LARP4B: variants seen among roughly 807,000 people sequenced by gnomAD.
LARP4B encodes La ribonucleoprotein 4B, also known as la-related protein 4B.
A neutral mutation model predicts 89.8 loss-of-function variants in LARP4B; 12 were observed. The observed-to-expected ratio is 0.13, with a 90% CI of 0.09 to 0.22. LARP4B has a LOEUF of 0.22. LARP4B is among the 10% of genes least tolerant of loss of function. The probability of loss-of-function intolerance (pLI) is 1.00; values close to 1 mark genes in which losing one functional copy is unlikely to be tolerated. For synonymous variants in LARP4B, 367 were observed against 363.3 expected (o/e 1.01, Z -0.12); for missense variants, 757 against 947.7 (o/e 0.80, Z 2.64).
chr10:930,846 C>T (rs868753679), intron 1 of LARP4B, among the ~76,000 whole-genome samples: 5 of 152,106 alleles, frequency 3.3e-5, no homozygotes, highest in African/African-American at 1.2e-4. Flanking sequence ...CCGTCCCGCC[C>T]CGCACCCGCA....
chr10:836,478 C>G lies in LARP4B; in HGVS notation c.675G>C (p.Lys225Asn). The G allele has an allele frequency of 6.2e-7, 1 of 1,612,736 alleles. No homozygotes were observed. The highest frequency in any genetic ancestry group is 1.1e-5 in the South Asian group (1 of 90,996). ...RSLPLVQVDE[K>N]GEKVRPNQNR... ...TTTGATTTGGCCTTACTTTTTCTCC[C>G]TTTTCATCCACTTGGACTAAAGGTA... The change falls in exon 8 of 18, where the codon AAG becomes AAC. Residue 225 changes from lysine to asparagine, a missense_variant. Transcript: ENST00000316157.
At chr10:896,729 G>A (rs913571861) in intron 1 of LARP4B, among the ~76,000 whole-genome samples, 2 of 152,088 alleles carry the variant, frequency 1.3e-5, no homozygotes, top group African/African-American at 4.8e-5. Context: ...AAGCTTTTAG[G>A]CATCTTCAGT....
At position 900,719 on chromosome 10, in the gene LARP4B, A is replaced by C. The variant is rs559763971; in HGVS notation, c.-39-14959T>G. The stretch of plus-strand genomic sequence containing the variant: ...ACTGTAACCCCTGCCTCCCGAGTTC[A>C]AGCGATTCTCCTGCCTCAGCCTCTC... On this transcript the variant is annotated intron_variant, in intron 1 of 17. Transcript: ENST00000316157. Among the ~76,000 whole-genome samples the C allele has an allele frequency of 1.5e-4, 22 of 149,276 alleles. No homozygotes were observed. The East Asian group carries it at 3.9e-3, about 27-fold the overall frequency.
chr10:904,836 G>A (rs553127198), intron 1 of LARP4B, among the ~76,000 whole-genome samples: 1 of 152,316 alleles, frequency 6.6e-6, no homozygotes, highest in South Asian at 2.1e-4. Flanking sequence ...AGGGTAAGAA[G>A]ATGACTGCCA....
chr10:960,574 G>A, the LARP4B span, among the ~76,000 whole-genome samples: 3 of 151,852 alleles, frequency 2.0e-5, no homozygotes, highest in East Asian at 1.9e-4. Context: ...GCTGGGTGTG[G>A]TAGCACACCT....
chr10:934,567 A>G (rs1830724190), upstream of LARP4B, among the ~76,000 whole-genome samples: 1 of 152,126 alleles, frequency 6.6e-6, no homozygotes, highest in Non-Finnish European at 1.5e-5. Context: ...ATCCTTTCCA[A>G]CAATCAGAAC....
At chr10:826,135 G>A (rs1832610026) in intron 11 of LARP4B, among the ~76,000 whole-genome samples, 1 of 152,240 alleles carries the variant, frequency 6.6e-6, no homozygotes, top group Non-Finnish European at 1.5e-5. Context: ...GAGGAAAGAC[G>A]TGGTCAAGAG....
intron 1 of LARP4B, among the ~76,000 whole-genome samples, chr10:907,948 G>A (rs1047106358): frequency 3.3e-5 from 5 of 152,244 alleles, no homozygotes; most frequent in Admixed American, 6.5e-5. Context: ...GCTCACGCCT[G>A]TAATCCTAGC....
At chr10:933,319 C>A (rs1830705827), upstream of LARP4B, among the ~76,000 whole-genome samples, 1 of 152,124 alleles carries the variant, frequency 6.6e-6, no homozygotes, top group Non-Finnish European at 1.5e-5. Context: ...CAGGGTCTTG[C>A]TCTATGCAGG....
chr10:953,925 C>T, the LARP4B span, among the ~76,000 whole-genome samples: 5 of 152,240 alleles, frequency 3.3e-5, no homozygotes, highest in Non-Finnish European at 7.3e-5. Flanking sequence ...CAAGGAAAGA[C>T]GGGAGCTCGC....
chr10:975,479 C>T, the LARP4B span, among the ~76,000 whole-genome samples: 1 of 152,226 alleles, frequency 6.6e-6, no homozygotes, highest in Non-Finnish European at 1.5e-5. Flanking sequence ...CAAGCCCTGC[C>T]TAGATTTTCA....
At chr10:924,731 G>C (rs989762144) in intron 1 of LARP4B, among the ~76,000 whole-genome samples, 3 of 152,174 alleles carry the variant, frequency 2.0e-5, no homozygotes, top group Non-Finnish European at 4.4e-5. Context: ...CACAACCTCA[G>C]GGAAGCCTTC....
intron 1 of LARP4B, among the ~76,000 whole-genome samples, chr10:895,401 A>T (rs541698536): frequency 2.6e-5 from 4 of 152,024 alleles, no homozygotes; most frequent in Admixed American, 2.6e-4. Context: ...AAAAAAAAAA[A>T]TCCCATGGAA....
At chr10:981,564 T>TC in the LARP4B span, among the ~76,000 whole-genome samples, 1 of 151,944 alleles carries the variant, frequency 6.6e-6, no homozygotes, top group Non-Finnish European at 1.5e-5. Flanking sequence ...ACTTTGTACT[T>TC]TTTTTTTGTT....
At chr10:855,225 G>A (rs1345095628) in intron 5 of LARP4B, among the ~76,000 whole-genome samples, 4 of 152,106 alleles carry the variant, frequency 2.6e-5, no homozygotes, top group African/African-American at 7.2e-5. Flanking sequence ...TTCACTGGAG[G>A]GGCACTTAAT....
intron 3 of LARP4B, among the ~76,000 whole-genome samples, chr10:874,778 C>T (rs1254156731): frequency 6.6e-6 from 1 of 152,010 alleles, no homozygotes; most frequent in East Asian, 1.9e-4. Flanking sequence ...TTAGGAATTA[C>T]ACTTAAACAT....
chr10:823,631 G>A (rs751050053), intron 13 of LARP4B, among the ~76,000 whole-genome samples: 3 of 151,298 alleles, frequency 2.0e-5, no homozygotes, highest in Non-Finnish European at 2.9e-5. Context: ...CTTCCACACC[G>A]TGCCCACAAT....
chr10:886,279 A>G (rs1588963994), intron 1 of LARP4B, among the ~76,000 whole-genome samples: 1 of 152,226 alleles, frequency 6.6e-6, no homozygotes, highest in Admixed American at 6.5e-5. Context: ...ATTTCACCTC[A>G]CAACTGTCAG....
intron 1 of LARP4B, among the ~76,000 whole-genome samples, chr10:914,491 T>G (rs1836763211): frequency 6.8e-6 from 1 of 147,366 alleles, no homozygotes; most frequent in East Asian, 2.0e-4. Context: ...AGAGGAAGAC[T>G]CAGCCAAAAA....
Sources: allele counts gnomAD v4.1 joint callset (sites outside exome capture counted in the v4.1 genomes callset), GRCh38; gene constraint gnomAD v4.1.1; transcripts MANE v1.5; gene names NCBI Gene and HGNC (gene_info 2026-07-23, HGNC 2026-07-21).